PCSK6: variants seen among roughly 807,000 people sequenced by gnomAD.
The protein encoded by PCSK6 is paired basic amino acid cleaving enzyme 4.
PCSK6 carries 85 observed loss-of-function variants against 123.3 expected under a neutral mutation model. The observed-to-expected ratio is 0.69, with a 90% confidence interval of 0.58 to 0.83. PCSK6 has a LOEUF of 0.83. Ranked by LOEUF, PCSK6 falls within the 40% of genes least tolerant of loss-of-function variation. The pLI is 0.00. For missense variants in PCSK6, 1,191 were observed against 1,282.3 expected, an observed-to-expected ratio of 0.93 and a Z score of 1.09; for synonymous variants, 508 against 516.0, an observed-to-expected ratio of 0.98 and a Z score of 0.21.
intron 1 of PCSK6, among the ~76,000 whole-genome samples, chr15:101,454,885 C>T (rs185670418): frequency 9.9e-5 from 15 of 152,122 alleles, no homozygotes; most frequent in South Asian, 8.3e-4. Context: ...GCGGAGGTTG[C>T]AGTGAGCCAA....
intron 6 of PCSK6, among the ~76,000 whole-genome samples, chr15:101,406,870 C>T (rs1220163237): frequency 6.6e-6 from 1 of 152,230 alleles, no homozygotes; most frequent in African/African-American, 2.4e-5. Flanking sequence ...AGTGGAAACA[C>T]AGCTGTAGCC....
At chr15:101,322,478 C>T (rs757868499) in intron 18 of PCSK6, 42 bp downstream of exon 18, 14 of 1,368,910 alleles carry the variant, frequency 1.0e-5, no homozygotes, top group East Asian at 2.3e-5. Flanking sequence ...CTCCAAGCAG[C>T]GCCACCGCCC....
chr15:101,384,208 A>G, intron 10 of PCSK6, 114 bp downstream of exon 10: 1 of 1,499,754 alleles, frequency 6.7e-7, no homozygotes, highest in Non-Finnish European at 8.9e-7. Context: ...CTTGTGACAC[A>G]CAATTAATAA....
At chr15:101,384,851 G>A (rs143570077) in intron 9 of PCSK6, among the ~76,000 whole-genome samples, 1 of 152,312 alleles carries the variant, frequency 6.6e-6, no homozygotes, top group Non-Finnish European at 1.5e-5. Context: ...CATCCTGTGT[G>A]GACCCACTGG....
rs139497659 is a variant in PCSK6, at chr15:101,440,183, GA to G, written c.402+3372del. Among the ~76,000 whole-genome samples, 774 of 152,332 alleles carry G rather than the reference GA, an allele frequency of 5.1e-3. 9 individuals carry two copies. Among genetic ancestry groups the G allele is most frequent in the African/African-American group, 0.018 (735 of 41,574 alleles). On this transcript the variant is annotated intron_variant, in intron 2 of 21. Transcript: ENST00000611716. ...CAGTTTGCTTAAATGACAAGCCTTG[GA>G]AAAACCCAGCGACCGATAACTGCAC...
chr15:101,400,089 A>C (rs1318628184), intron 6 of PCSK6, among the ~76,000 whole-genome samples: 1 of 152,224 alleles, frequency 6.6e-6, no homozygotes, highest in East Asian at 1.9e-4. Context: ...AGTGACACAG[A>C]TCATAGCTCA....
At chr15:101,378,411 C>T (rs2041814218) in intron 11 of PCSK6, among the ~76,000 whole-genome samples, 1 of 152,356 alleles carries the variant, frequency 6.6e-6, no homozygotes, top group Admixed American at 6.5e-5. Context: ...AAGTCACTCT[C>T]TTTTGCTAAC....
chr15:101,407,201 C>T (rs2042806420), intron 6 of PCSK6, among the ~76,000 whole-genome samples: 1 of 152,202 alleles, frequency 6.6e-6, no homozygotes, highest in African/African-American at 2.4e-5. Flanking sequence ...GTCGGCTCTG[C>T]ATGACCTTGG....
intron 7 of PCSK6, among the ~76,000 whole-genome samples, chr15:101,394,137 G>GTTTT (rs1444048837): frequency 7.4e-4 from 66 of 89,516 alleles, no homozygotes; most frequent in African/African-American, 2.0e-3. Context: ...CCGTTTTTTT[G>GTTTT]TTTTTTGTTT....
rs556813677 is a variant in PCSK6, at chr15:101,458,771, C to T, written c.298-15111G>A. Among the ~76,000 whole-genome samples the T allele has an allele frequency of 2.6e-5, 4 of 152,332 alleles. No individual in the cohort carries two copies. In the South Asian group the frequency reaches 6.2e-4, roughly 24 times the overall value. On this transcript the variant is annotated intron_variant, in intron 1 of 21. Transcript: ENST00000611716. ...TCAATCATTCACGCTCTCTGCGACGCGTCTAATTACTCACAATGCCACCTC... is the reference window on the plus strand; with the variant it reads ...TCAATCATTCACGCTCTCTGCGACGTGTCTAATTACTCACAATGCCACCTC...
rs144733137 is a variant in PCSK6, at chr15:101,312,704, T to C, written c.2699+672A>G. Among the ~76,000 whole-genome samples, 1,054 of 152,040 alleles carry C rather than the reference T, an allele frequency of 6.9e-3. 23 individuals carry two copies. The highest frequency in any genetic ancestry group is 0.069 in the East Asian group (356 of 5,156). On this transcript the variant is annotated intron_variant, in intron 20 of 21. Transcript: ENST00000611716. ...ACAATTAGTGGGGAGTGGTGGCGGG[T>C]GCCTGTAGTCCCAGCTACTCGGCAG...
intron 13 of PCSK6, among the ~76,000 whole-genome samples, chr15:101,355,784 G>A (rs1380157172): frequency 1.3e-5 from 2 of 152,234 alleles, no homozygotes; most frequent in Non-Finnish European, 2.9e-5. Flanking sequence ...TGAGGGTGCC[G>A]AGCGGGATGT....
intron 6 of PCSK6, among the ~76,000 whole-genome samples, chr15:101,413,701 C>A (rs540654071): frequency 8.9e-4 from 135 of 152,192 alleles, no homozygotes; most frequent in African/African-American, 3.1e-3. Context: ...TGAAATGTTA[C>A]CAACACATAG....
At chr15:101,389,786 G>T (rs571843879) in intron 8 of PCSK6, among the ~76,000 whole-genome samples, 16 of 152,286 alleles carry the variant, frequency 1.1e-4, no homozygotes, top group African/African-American at 3.1e-4. Flanking sequence ...GGGCAAGAAG[G>T]CCAGCTGGGA....
chr15:101,397,617 C>T (rs764040212), intron 7 of PCSK6, among the ~76,000 whole-genome samples: 20 of 152,282 alleles, frequency 1.3e-4, no homozygotes, highest in African/African-American at 2.4e-4. Flanking sequence ...GGGACCTGTT[C>T]GGCCACCCAG....
intron 1 of PCSK6, among the ~76,000 whole-genome samples, chr15:101,465,165 C>A (rs1273098749): frequency 6.6e-6 from 1 of 152,218 alleles, no homozygotes; most frequent in Non-Finnish European, 1.5e-5. Flanking sequence ...CTGCGAGGGG[C>A]AATCAGCGTG....
chr15:101,461,474 G>C (rs2057338927), intron 1 of PCSK6, among the ~76,000 whole-genome samples: 1 of 152,070 alleles, frequency 6.6e-6, no homozygotes, highest in Non-Finnish European at 1.5e-5. Context: ...CTCTTCCAGA[G>C]AACAGAAAAA....
In PCSK6 at chr15:101,318,434, A is replaced by G. The variant is rs762457593; in HGVS notation, c.2466-12T>C. On this transcript the variant is annotated splice_polypyrimidine_tract_variant and intron_variant, in intron 18 of 21. Transcript: ENST00000611716. ...TGCCCCGTGCAAGGCTGTTGAAAAGAAAGAGGCAGATTTCCACATCCATTC... is the reference window on the plus strand; with the variant it reads ...TGCCCCGTGCAAGGCTGTTGAAAAGGAAGAGGCAGATTTCCACATCCATTC... The G allele has an allele frequency of 5.8e-6, 9 of 1,548,622 alleles. No individual in the cohort carries two copies. The Admixed American group carries it at 9.8e-5, about 17-fold the overall frequency.
chr15:101,471,777 T>C (rs772401135), intron 1 of PCSK6, among the ~76,000 whole-genome samples: 12 of 152,212 alleles, frequency 7.9e-5, no homozygotes, highest in Non-Finnish European at 1.2e-4. Context: ...GTCTCGCATG[T>C]GCCTTCCCGG....
Sources: allele counts gnomAD v4.1 joint callset (sites outside exome capture counted in the v4.1 genomes callset), GRCh38; gene constraint gnomAD v4.1.1; transcripts MANE v1.5; gene names NCBI Gene and HGNC (gene_info 2026-07-23, HGNC 2026-07-21).